Variants in ARHGAP10 observed in about 807,000 individuals in gnomAD.
The protein encoded by ARHGAP10 is rho GTPase-activating protein 10.
ARHGAP10 carries 87 observed loss-of-function variants against 108.6 expected under a neutral mutation model. The observed-to-expected ratio is 0.80, with a 90% CI of 0.67 to 0.96. The LOEUF (loss-of-function observed/expected upper bound fraction) is 0.96, where lower values mean the gene tolerates loss of function less well. ARHGAP10 is among the 40% of genes least tolerant of loss of function. The pLI, the probability that ARHGAP10 is intolerant of heterozygous loss-of-function variation, is 0.00. For synonymous variants in ARHGAP10, 347 were observed against 341.1 expected (o/e 1.02, Z -0.19); for missense variants, 939 against 954.5 (o/e 0.98, Z 0.21).
intron 3 of ARHGAP10, among the ~76,000 whole-genome samples, chr4:147,844,306 A>C (rs998728333): frequency 1.3e-5 from 2 of 152,212 alleles, no homozygotes; most frequent in Non-Finnish European, 2.9e-5. Flanking sequence ...TAGGGTATCC[A>C]TCCGTTCAAG....
At chr4:147,956,184 G>C (rs768950358) in intron 16 of ARHGAP10, among the ~76,000 whole-genome samples, 14 of 152,148 alleles carry the variant, frequency 9.2e-5, no homozygotes, top group Non-Finnish European at 1.5e-4. Flanking sequence ...TTTCACAGGT[G>C]CACTGACAGT....
At chr4:148,049,846 GC>G (rs1238740349) in intron 20 of ARHGAP10, among the ~76,000 whole-genome samples, 179 of 136,648 alleles carry the variant, frequency 1.3e-3, no homozygotes, top group Non-Finnish European at 1.9e-3. Flanking sequence ...GGGGCGGGGG[GC>G]GGGGGGCGGG....
At chr4:147,973,961 C>T (rs1380142935) in intron 18 of ARHGAP10, among the ~76,000 whole-genome samples, 1 of 152,118 alleles carries the variant, frequency 6.6e-6, no homozygotes, top group Non-Finnish European at 1.5e-5. Flanking sequence ...TAGGATGCTT[C>T]CAAATCTTGA....
chr4:147,857,446 G>A, intron 4 of ARHGAP10, 107 bp from the exon 5 acceptor site: 1 of 1,108,744 alleles, frequency 9.0e-7, no homozygotes. Context: ...ATTCAGAGTG[G>A]TGCTTTGTTT....
intron 18 of ARHGAP10, among the ~76,000 whole-genome samples, chr4:147,985,587 G>A (rs1310150749): frequency 6.6e-6 from 1 of 152,218 alleles, no homozygotes; most frequent in African/African-American, 2.4e-5. Flanking sequence ...AGTTTTGGCT[G>A]TGGAGGCCTT....
At chr4:147,861,411 G>T (rs962236485) in intron 5 of ARHGAP10, 13 of 152,634 alleles carry the variant, frequency 8.5e-5, no homozygotes, top group Admixed American at 8.5e-4. Flanking sequence ...GCTCCCCGAA[G>T]GGCCGCAGCT....
Position 147,912,007 on chromosome 4 carries a change from G to A in ARHGAP10, c.1163-1067G>A, listed in dbSNP as rs1374457665. On this transcript the variant is annotated intron_variant, in intron 12 of 22. Coordinates refer to ENST00000336498, the MANE Select transcript of ARHGAP10 (RefSeq NM_024605.4). ...TAAGAACATTCACGTGTGTGTGTGT[G>A]TGTGTGTGTGTGTGTGTGTGTGTGT... 9.0e-4 allele frequency among the ~76,000 whole-genome samples: 45 copies of A among 49,994 alleles called. No homozygotes were observed. In the South Asian group the frequency reaches 0.028, roughly 32 times the overall value. 32.8% of individuals were successfully genotyped at this position (49,994 alleles called of 152,430 possible). A position where few individuals can be genotyped will look rare whatever the true frequency, so the allele number is the denominator to read the frequency against.
chr4:147,968,668 T>C (rs915739219), intron 18 of ARHGAP10, among the ~76,000 whole-genome samples: 1 of 152,260 alleles, frequency 6.6e-6, no homozygotes, highest in African/African-American at 2.4e-5. Flanking sequence ...CAAGAACTTT[T>C]AGATTTTTTT....
chr4:148,059,701 T>C (rs1274768263), intron 20 of ARHGAP10, among the ~76,000 whole-genome samples: 2 of 152,112 alleles, frequency 1.3e-5, no homozygotes, highest in Non-Finnish European at 2.9e-5. Flanking sequence ...TCAAGAACTG[T>C]GAAGGGTCTG....
At chr4:147,928,478 A>C (rs767561964) in intron 13 of ARHGAP10, among the ~76,000 whole-genome samples, 4 of 152,216 alleles carry the variant, frequency 2.6e-5, no homozygotes, top group African/African-American at 7.2e-5. Flanking sequence ...TAATCATCAC[A>C]ATACAGAAAT....
chr4:147,965,791 G>A (rs1366287149), intron 17 of ARHGAP10, among the ~76,000 whole-genome samples: 2 of 152,170 alleles, frequency 1.3e-5, no homozygotes, highest in Admixed American at 6.5e-5. Flanking sequence ...TGGATACATA[G>A]TTGAATAAAA....
At chr4:147,985,811 C>G (rs1337166080) in intron 18 of ARHGAP10, among the ~76,000 whole-genome samples, 1 of 152,190 alleles carries the variant, frequency 6.6e-6, no homozygotes, top group Non-Finnish European at 1.5e-5. Flanking sequence ...AGCTCCAAGG[C>G]TGAAGAGAAA....
Position 147,793,294 on chromosome 4 carries a change from TATA to T in ARHGAP10, c.155-29431_155-29429del, listed in dbSNP as rs577843410. Among the ~76,000 whole-genome samples, 279 of 148,298 alleles carry T rather than the reference TATA, an allele frequency of 1.9e-3. 1 individual carries two copies. Among genetic ancestry groups the T allele is most frequent in the African/African-American group, 6.7e-3 (271 of 40,196 alleles). ...AATACTTAGCAATATTGGGGTAAAATATAACACACACATATATATATATATATT... is the reference window on the plus strand; with the variant it reads ...AATACTTAGCAATATTGGGGTAAAATACACACACATATATATATATATATT... On this transcript the variant is annotated intron_variant, in intron 1 of 22. Coordinates refer to ENST00000336498, the MANE Select transcript of ARHGAP10 (RefSeq NM_024605.4).
At chr4:147,914,945 T>A (rs1736903663) in intron 13 of ARHGAP10, among the ~76,000 whole-genome samples, 1 of 152,198 alleles carries the variant, frequency 6.6e-6, no homozygotes, top group African/African-American at 2.4e-5. Flanking sequence ...CAAAACAGGC[T>A]ATTTCTGGAG....
intron 20 of ARHGAP10, among the ~76,000 whole-genome samples, chr4:148,061,474 A>C (rs1729617780): frequency 6.6e-6 from 1 of 152,146 alleles, no homozygotes; most frequent in Non-Finnish European, 1.5e-5. Context: ...GCTAAAAAAA[A>C]ATGGAGTGAC....
At chr4:147,744,968 C>G (rs533060500) in intron 1 of ARHGAP10, among the ~76,000 whole-genome samples, 1 of 151,970 alleles carries the variant, frequency 6.6e-6, no homozygotes, top group South Asian at 2.1e-4. Flanking sequence ...AGGGCAAATC[C>G]GGAGGAACTC....
intron 1 of ARHGAP10, among the ~76,000 whole-genome samples, chr4:147,763,552 C>T (rs1009178989): frequency 6.6e-5 from 10 of 151,654 alleles, no homozygotes; most frequent in East Asian, 3.9e-4. Context: ...CCTTGTGATC[C>T]GCCTGCCCTG....
At chr4:148,011,121 C>T (rs1741154683) in intron 18 of ARHGAP10, among the ~76,000 whole-genome samples, 1 of 152,136 alleles carries the variant, frequency 6.6e-6, no homozygotes, top group African/African-American at 2.4e-5. Flanking sequence ...GTTCTAAGTG[C>T]ATCACAACAA....
At chr4:148,069,908 CTGGGG>C (rs1380219473) in intron 22 of ARHGAP10, among the ~76,000 whole-genome samples, 1 of 152,168 alleles carries the variant, frequency 6.6e-6, no homozygotes, top group Non-Finnish European at 1.5e-5. Context: ...GCACTGCCAG[CTGGGG>C]TGTTTGGATG....
Sources: gnomAD v4.1 joint callset for allele counts (sites outside exome capture counted in the v4.1 genomes callset) on GRCh38, gnomAD v4.1.1 for gene constraint, MANE v1.5 for transcripts, NCBI Gene and HGNC (gene_info 2026-07-23, HGNC 2026-07-21) for gene names.